Variants in PPIL2 observed in about 807,000 individuals in gnomAD.
PPIL2 encodes peptidylprolyl isomerase like 2.
Under a neutral mutation model 75.2 loss-of-function variants are expected in PPIL2, and 50 were observed. The ratio of observed to expected loss-of-function variants is 0.66; its 90% CI spans 0.53 to 0.84. The LOEUF (loss-of-function observed/expected upper bound fraction) is 0.84, where lower values mean the gene tolerates loss of function less well. Ranked by LOEUF, PPIL2 falls within the 40% of genes least tolerant of loss-of-function variation. The pLI is 0.00. For missense variants in PPIL2, 590 were observed against 685.0 expected (o/e 0.86, Z 1.55); for synonymous variants, 245 against 258.8 (o/e 0.95, Z 0.51).
At chr22:21,695,190 G>C in intron 19 of PPIL2, 120 bp downstream of exon 19, 2 of 1,415,054 alleles carry the variant, frequency 1.4e-6, no homozygotes, top group Non-Finnish European at 1.9e-6. Flanking sequence ...CCGTGGGCTT[G>C]TGCTGTGTGG....
intron 15 of PPIL2, 124 bp from the exon 16 acceptor site, chr22:21,693,692 C>T (rs1001184874): frequency 7.2e-6 from 7 of 968,792 alleles, no homozygotes; most frequent in South Asian, 2.8e-5. Flanking sequence ...TGCACACATG[C>T]GTCCGTGGAA....
Position 21,697,014 on chromosome 22 carries a change from C to T in PPIL2, c.*1524C>T, listed in dbSNP as rs919690770. On this transcript the variant is annotated 3_prime_UTR_variant, in exon 20 of 20. Transcript: ENST00000398831. ...TCCTTCTCTTCTCCAGCCCATCCCT[C>T]TGCAGCCTGTCATCCCTGTCTGTGA... 76 of 1,541,744 alleles carry T rather than the reference C, an allele frequency of 4.9e-5. 1 individual carries two copies. The South Asian group carries it at 9.0e-4, about 18-fold the overall frequency.
At position 21,683,267 on chromosome 22, in the gene PPIL2, C is replaced by T; in HGVS notation, c.553+10C>T. 1 of 1,601,742 alleles carries T rather than the reference C, an allele frequency of 6.2e-7. No homozygotes were observed. The highest frequency in any genetic ancestry group is 2.2e-5 in the East Asian group (1 of 44,826). ...AAAATAATAGACCCAGGTATGTACA[C>T]CTAGGGGCTGGGCTAGGCGAGGGGG... On this transcript the variant is annotated intron_variant, in intron 9 of 19. Transcript: ENST00000398831.
intron 3 of PPIL2, 177 bp from the exon 4 acceptor site, chr22:21,670,820 G>T: frequency 1.2e-6 from 1 of 844,712 alleles, no homozygotes; most frequent in Non-Finnish European, 2.0e-6. Context: ...CTTCACCAGG[G>T]GTGGCACAAA....
rs2067292046 is a variant in PPIL2 at position 21,684,892 on chromosome 22, G to A, written c.693G>A (p.Lys231=). 3 of 1,613,880 alleles carry A rather than the reference G, an allele frequency of 1.9e-6. No homozygotes were observed. The highest frequency in any genetic ancestry group is 2.5e-6 in the Non-Finnish European group (3 of 1,179,894). The change falls in exon 10 of 20, where the codon AAG becomes AAA. Residue 231 remains lysine (K), a synonymous_variant. Coordinates refer to ENST00000398831, the MANE Select transcript of PPIL2 (RefSeq NM_014337.4). ...CCACCATGAAGGCCCCGGAGAAGAA[G>A]AAAGTGGACAAGCTGAACGCTGTGA... ...LAATMKAPEK[K]KVDKLNAAHY... is the part of the protein sequence containing the mutation.
intron 6 of PPIL2, among the ~76,000 whole-genome samples, chr22:21,679,429 G>C (rs62235097): frequency 1.4e-5 from 2 of 147,828 alleles, no homozygotes; most frequent in African/African-American, 5.0e-5. Context: ...ATGAAACCTT[G>C]TCTCTACAAA....
chr22:21,688,614 T>C, intron 14 of PPIL2, 118 bp from the exon 15 acceptor site: 1 of 922,034 alleles, frequency 1.1e-6, no homozygotes, highest in Non-Finnish European at 1.7e-6. Context: ...CCCTATCAAG[T>C]GCCCCTGCCC....
At chr22:21,683,069 G>A (rs1404265657) in intron 8 of PPIL2, 113 bp from the exon 9 acceptor site, 23 of 908,430 alleles carry the variant, frequency 2.5e-5, no homozygotes, top group Middle Eastern at 2.4e-4. Context: ...CCCAACCTCA[G>A]TGTAGCCCTG....
At chr22:21,689,379 T>C (rs1217231895) in intron 15 of PPIL2, among the ~76,000 whole-genome samples, 1 of 136,650 alleles carries the variant, frequency 7.3e-6, no homozygotes, top group African/African-American at 2.6e-5. Flanking sequence ...GGCCTGATGT[T>C]ATGTTTCAGT....
chr22:21,670,639 CTTGTAAT>C, intron 3 of PPIL2, 28 bp downstream of exon 3: 5 of 1,586,042 alleles, frequency 3.2e-6, no homozygotes, highest in African/African-American at 1.3e-5. Context: ...TTACCTTTCC[CTTGTAAT>C]TGTTCTCTGA....
chr22:21,684,454 CAAAAAAAAA>C (rs1028354500), intron 9 of PPIL2, among the ~76,000 whole-genome samples: 1 of 47,550 alleles, frequency 2.1e-5, no homozygotes, highest in Non-Finnish European at 3.7e-5. Flanking sequence ...TCCATCTCCA[CAAAAAAAAA>C]AAAAAAAAAA....
rs747183170 is a variant in PPIL2, at chr22:21,695,432, C to T, written c.1505C>T (p.Thr502Ile). The T allele has an allele frequency of 1.2e-6, 2 of 1,610,712 alleles. No individual in the cohort carries two copies. Among genetic ancestry groups the T allele is most frequent in the Admixed American group, 1.7e-5 (1 of 59,554 alleles). The change falls in exon 20 of 20, where the codon ACT (threonine) becomes ATT (isoleucine). Residue 502 changes from threonine (T) to isoleucine (I), a missense_variant. By Grantham distance (89) the Thr-to-Ile change is moderately conservative. Coordinates refer to ENST00000398831, the MANE Select transcript of PPIL2 (RefSeq NM_014337.4). Reference sequence around the variant, plus strand: ...GAGGAAGAGCCCTCAACCAGTGCCACTGTCCCCATGTCCAAGAAGAAGCCC... The same window carrying T: ...GAGGAAGAGCCCTCAACCAGTGCCATTGTCCCCATGTCCAAGAAGAAGCCC... The part of the protein sequence containing the change: ...AAEEEPSTSA[T>I]VPMSKKKPSR...
At chr22:21,694,288 G>A (rs1487197554) in intron 16 of PPIL2, among the ~76,000 whole-genome samples, 2 of 152,198 alleles carry the variant, frequency 1.3e-5, no homozygotes, top group East Asian at 1.9e-4. Context: ...TTCTGGCCAA[G>A]TGGAACTCTG....
At position 21,684,763 on chromosome 22, in the gene PPIL2, G is replaced by C. The variant is rs1337937691; in HGVS notation, c.564G>C (p.Lys188Asn). The C allele has an allele frequency of 6.2e-7, 1 of 1,613,892 alleles. No homozygotes were observed. Among genetic ancestry groups the C allele is most frequent in the African/African-American group, 1.3e-5 (1 of 74,894 alleles). ...NMKIIDPDEE[K>N]AKQDPSYYLK... ...GCTACTGTTTTGTAGATGAAGAGAA[G>C]GCCAAACAGGACCCGTCTTATTATC... The change falls in exon 10 of 20, where the codon AAG (lysine) becomes AAC (asparagine). Residue 188 changes from lysine to asparagine, a missense_variant. Transcript: ENST00000398831.
At chr22:21,692,430 A>G (rs1027618365) in intron 15 of PPIL2, among the ~76,000 whole-genome samples, 10 of 151,910 alleles carry the variant, frequency 6.6e-5, no homozygotes, top group South Asian at 2.1e-4. Context: ...CTGGGATTAC[A>G]GGCGTGAGCC....
intron 10 of PPIL2, 41 bp from the exon 11 acceptor site, chr22:21,686,442 C>G (rs759819129): frequency 6.3e-7 from 1 of 1,584,610 alleles, no homozygotes; most frequent in Non-Finnish European, 8.7e-7. Context: ...CCAACTGCCT[C>G]CCATGGCACT....
chr22:21,688,881 G>A, intron 15 of PPIL2, 32 bp downstream of exon 15: 1 of 1,594,794 alleles, frequency 6.3e-7, no homozygotes, highest in Non-Finnish European at 8.6e-7. Context: ...GGGTGGCCTG[G>A]GAGGTGAGCC....
intron 10 of PPIL2, chr22:21,685,588 A>C (rs2067323307): frequency 6.8e-6 from 3 of 439,016 alleles, no homozygotes; most frequent in Non-Finnish European, 1.3e-5. Context: ...CGTCTAACAC[A>C]CTGCCCTTAG....
At chr22:21,686,039 G>A (rs983363454) in intron 10 of PPIL2, among the ~76,000 whole-genome samples, 1 of 152,056 alleles carries the variant, frequency 6.6e-6, no homozygotes, top group Non-Finnish European at 1.5e-5. Flanking sequence ...GCATGCGCCT[G>A]TCGTCCCAGC....
Sources: gnomAD v4.1 joint callset for allele counts (sites outside exome capture counted in the v4.1 genomes callset) on GRCh38, gnomAD v4.1.1 for gene constraint, MANE v1.5 for transcripts, NCBI Gene and HGNC (gene_info 2026-07-23, HGNC 2026-07-21) for gene names.